The following CLIC4 variants were observed in gnomAD, a reference collection of about 807,000 sequenced individuals.
CLIC4 encodes chloride intracellular channel protein 4.
Under a neutral mutation model 24.6 loss-of-function variants are expected in CLIC4, and 13 were observed. The ratio of observed to expected loss-of-function variants is 0.53; its 90% confidence interval spans 0.34 to 0.84. The LOEUF (loss-of-function observed/expected upper bound fraction) is 0.84. CLIC4 is among the 40% of genes least tolerant of loss of function. CLIC4 has a pLI of 0.01. For synonymous variants in CLIC4, 104 were observed against 111.3 expected (o/e 0.93, Z 0.41); for missense variants, 227 against 301.7 (o/e 0.75, Z 1.83).
At chr1:24,813,841 C>G (rs1039516693) in intron 2 of CLIC4, among the ~76,000 whole-genome samples, 3 of 152,102 alleles carry the variant, frequency 2.0e-5, no homozygotes, top group African/African-American at 4.8e-5. Context: ...ACCTCAGCCT[C>G]CCTGGTAGCT....
intron 1 of CLIC4, among the ~76,000 whole-genome samples, chr1:24,757,652 G>A (rs750400743): frequency 6.6e-5 from 10 of 151,784 alleles, no homozygotes; most frequent in Non-Finnish European, 1.3e-4. Flanking sequence ...TGTGAAAACA[G>A]ACTAATTAGG....
intron 3 of CLIC4, among the ~76,000 whole-genome samples, chr1:24,816,245 T>TTG (rs1639666923): frequency 6.8e-6 from 1 of 146,592 alleles, no homozygotes; most frequent in African/African-American, 2.5e-5. Context: ...TTTTTTTTTT[T>TTG]TTTTTTTTTT....
chr1:24,841,401 A>G lies in CLIC4; in HGVS notation c.*464A>G, dbSNP rs1639940725. 6.6e-6 allele frequency: 1 copy of G among 152,406 alleles called. No individual in the cohort carries two copies. The highest frequency in any genetic ancestry group is 2.4e-5 in the African/African-American group (1 of 41,478). The allele number at this position is 152,406 out of a possible 1,614,324, so 9.4% of individuals were successfully genotyped here. ...TTTTGGAATTTTGTAATATTTAGTAAGAGTATATGAAAGGATTGCTACTGT... is the reference window on the plus strand; with the variant it reads ...TTTTGGAATTTTGTAATATTTAGTAGGAGTATATGAAAGGATTGCTACTGT... On this transcript the variant is annotated 3_prime_UTR_variant, in exon 6 of 6. Transcript: ENST00000374379.
intron 1 of CLIC4, among the ~76,000 whole-genome samples, chr1:24,764,142 C>G (rs1375064853): frequency 6.6e-6 from 1 of 152,190 alleles, no homozygotes; most frequent in African/African-American, 2.4e-5. Flanking sequence ...AGTTGTTGCC[C>G]AGGCTGGAGT....
intron 2 of CLIC4, among the ~76,000 whole-genome samples, chr1:24,808,481 A>G (rs182108864): frequency 5.8e-4 from 88 of 152,090 alleles, no homozygotes; most frequent in African/African-American, 2.0e-3. Context: ...AAGTCTGTAC[A>G]TGTTCAGTAC....
intron 1 of CLIC4, among the ~76,000 whole-genome samples, chr1:24,758,238 A>G (rs1261847630): frequency 1.3e-5 from 2 of 152,162 alleles, no homozygotes; most frequent in African/African-American, 2.4e-5. Context: ...AACAATAGAA[A>G]AGCATAAATA....
Position 24,839,847 on chromosome 1 carries a change from T to C in CLIC4, c.416-13T>C, listed in dbSNP as rs1639924247. 1.9e-6 allele frequency: 3 copies of C among 1,603,392 alleles called. No individual in the cohort carries two copies. Among genetic ancestry groups the C allele is most frequent in the Admixed American group, 1.7e-5 (1 of 58,078 alleles). On this transcript the variant is annotated splice_polypyrimidine_tract_variant and intron_variant, in intron 4 of 5. Transcript: ENST00000374379. ...TTCTTACAGTATTCTCATCTCTTTTTTTCCCCCCCAAGCACTGGAGAGGGG... is the reference window on the plus strand; with the variant it reads ...TTCTTACAGTATTCTCATCTCTTTTCTTCCCCCCCAAGCACTGGAGAGGGG...
intron 1 of CLIC4, among the ~76,000 whole-genome samples, chr1:24,781,372 G>C (rs540724686): frequency 1.3e-5 from 2 of 150,528 alleles, no homozygotes; most frequent in South Asian, 4.2e-4. Context: ...TTGAACTCCT[G>C]ACCTCGTGAT....
chr1:24,746,757 G>T (rs1256447388), intron 1 of CLIC4, among the ~76,000 whole-genome samples: 1 of 151,476 alleles, frequency 6.6e-6, no homozygotes, highest in Non-Finnish European at 1.5e-5. Context: ...GCCTGTAATC[G>T]CAGCACTTTC....
intron 1 of CLIC4, among the ~76,000 whole-genome samples, chr1:24,754,437 G>A (rs1372045395): frequency 1.3e-5 from 2 of 152,126 alleles, no homozygotes; most frequent in African/African-American, 4.8e-5. Context: ...GTGTTCTGAT[G>A]TCCCCTGAGT....
intron 3 of CLIC4, among the ~76,000 whole-genome samples, chr1:24,820,067 G>GTGTGTATATATATCTATA: frequency 2.7e-5 from 1 of 36,484 alleles, no homozygotes; most frequent in African/African-American, 8.9e-5. Context: ...AAAAAAGTAT[G>GTGTGTATATATATCTATA]TATATATATA....
At chr1:24,788,885 C>CTT (rs1639302853) in intron 1 of CLIC4, among the ~76,000 whole-genome samples, 1 of 152,206 alleles carries the variant, frequency 6.6e-6, no homozygotes, top group Non-Finnish European at 1.5e-5. Context: ...GCAGCCTAAA[C>CTT]AAGACCACAA....
At position 24,844,314 on chromosome 1, in the gene CLIC4, G is replaced by C. The variant is rs761194813; in HGVS notation, c.*3377G>C. 6.6e-6 allele frequency: 1 copy of C among 152,442 alleles called. No individual in the cohort carries two copies. Among genetic ancestry groups the C allele is most frequent in the African/African-American group, 2.4e-5 (1 of 41,394 alleles). 9.4% of individuals were successfully genotyped at this position (152,442 alleles called of 1,614,324 possible). A position where few individuals can be genotyped will look rare whatever the true frequency, so the allele number is the denominator to read the frequency against. ...CCTCATGAAAATAAACAACAACTTGGGGTAAAAGTGTTTGAGACTACTATT... is the reference window on the plus strand; with the variant it reads ...CCTCATGAAAATAAACAACAACTTGCGGTAAAAGTGTTTGAGACTACTATT... On this transcript the variant is annotated 3_prime_UTR_variant, in exon 6 of 6. Transcript: ENST00000374379.
At chr1:24,783,004 C>CA (rs934031136) in intron 1 of CLIC4, among the ~76,000 whole-genome samples, 1 of 151,668 alleles carries the variant, frequency 6.6e-6, no homozygotes, top group Admixed American at 6.6e-5. Context: ...AAAACAAAAA[C>CA]AAAAAAACAG....
At chr1:24,758,104 T>TTTAAA (rs1638873585) in intron 1 of CLIC4, among the ~76,000 whole-genome samples, 1 of 152,188 alleles carries the variant, frequency 6.6e-6, no homozygotes. Flanking sequence ...GTCCTAAGTT[T>TTTAAA]GAAAAGGTAA....
chr1:24,815,941 C>CTTAG (rs1261796502), intron 3 of CLIC4, among the ~76,000 whole-genome samples: 2 of 152,158 alleles, frequency 1.3e-5, no homozygotes, highest in Non-Finnish European at 2.9e-5. Flanking sequence ...CAACAATGTT[C>CTTAG]TTAGCATCTT....
chr1:24,840,410 G>A (rs1479715535), intron 5 of CLIC4, among the ~76,000 whole-genome samples: 1 of 152,078 alleles, frequency 6.6e-6, no homozygotes, highest in African/African-American at 2.4e-5. Flanking sequence ...CACTGGGCTG[G>A]GCACATTGTT....
intron 1 of CLIC4, among the ~76,000 whole-genome samples, chr1:24,779,694 C>G (rs933254813): frequency 6.6e-5 from 10 of 152,118 alleles, no homozygotes; most frequent in African/African-American, 2.4e-4. Context: ...TTTCCTTGAC[C>G]CAGTTGCTCA....
intron 1 of CLIC4, among the ~76,000 whole-genome samples, chr1:24,748,325 G>C (rs1483064802): frequency 6.6e-6 from 1 of 152,062 alleles, no homozygotes; most frequent in East Asian, 1.9e-4. Context: ...ATTGGGCTTG[G>C]TGGCAGAGAA....
Sources: gnomAD v4.1 joint callset for allele counts (sites outside exome capture counted in the v4.1 genomes callset) on GRCh38, gnomAD v4.1.1 for gene constraint, MANE v1.5 for transcripts, NCBI Gene and HGNC (gene_info 2026-07-23, HGNC 2026-07-21) for gene names.